Variants in EFCAB6 observed in about 807,000 individuals in gnomAD.
EFCAB6 encodes the protein EF-hand calcium binding domain 6, also known as EF-hand calcium-binding domain-containing protein 6.
Under a neutral mutation model 169.8 loss-of-function variants are expected in EFCAB6, and 156 were observed. That is an observed-to-expected ratio of 0.92 (90% confidence interval 0.81 to 1.05). EFCAB6 has a LOEUF of 1.05. EFCAB6 is among the 50% of genes least tolerant of loss of function. EFCAB6 has a pLI of 0.00. For synonymous variants in EFCAB6, 698 were observed against 676.4 expected (o/e 1.03, Z -0.50); for missense variants, 1,800 against 1,829.1 (o/e 0.98, Z 0.29).
intron 20 of EFCAB6, among the ~76,000 whole-genome samples, chr22:43,623,922 AGAAAAAAAAG>A (rs1464176258): frequency 7.2e-6 from 1 of 137,962 alleles, no homozygotes; most frequent in Non-Finnish European, 1.6e-5. Flanking sequence ...AAAAAAAAAA[AGAAAAAAAAG>A]AAAAAAGAAA....
chr22:43,771,377 C>A (rs1401742044), intron 4 of EFCAB6, among the ~76,000 whole-genome samples: 1 of 151,968 alleles, frequency 6.6e-6, no homozygotes, highest in Non-Finnish European at 1.5e-5. Flanking sequence ...TTGCAGTAAG[C>A]CAAGATAGCG....
At chr22:43,624,025 A>G (rs1255607796) in intron 20 of EFCAB6, among the ~76,000 whole-genome samples, 1 of 152,062 alleles carries the variant, frequency 6.6e-6, no homozygotes, top group African/African-American at 2.4e-5. Flanking sequence ...GGCCCCTCCC[A>G]ACAGACTCCT....
At chr22:43,689,736 G>A (rs1439275132) in intron 10 of EFCAB6, among the ~76,000 whole-genome samples, 1 of 152,180 alleles carries the variant, frequency 6.6e-6, no homozygotes, top group Non-Finnish European at 1.5e-5. Flanking sequence ...GAAGAGAAGT[G>A]CAAAGTGGGA....
chr22:43,724,645 C>G (rs2059658954), intron 8 of EFCAB6, among the ~76,000 whole-genome samples: 2 of 152,176 alleles, frequency 1.3e-5, no homozygotes, highest in South Asian at 4.1e-4. Context: ...GCTAGGATTA[C>G]AGGCATGAGC....
At chr22:43,581,037 G>T (rs1602403344) in intron 24 of EFCAB6, among the ~76,000 whole-genome samples, 1 of 152,328 alleles carries the variant, frequency 6.6e-6, no homozygotes, top group African/African-American at 2.4e-5. Flanking sequence ...TGTTGGCAGG[G>T]ATGTGACATT....
intron 3 of EFCAB6, among the ~76,000 whole-genome samples, chr22:43,778,816 G>A (rs1218159074): frequency 6.6e-6 from 1 of 152,234 alleles, no homozygotes; most frequent in Non-Finnish European, 1.5e-5. Flanking sequence ...GAGAGAAGAA[G>A]AGGCTTTCCT....
At chr22:43,554,681 G>T in intron 27 of EFCAB6, 188 bp downstream of exon 27, 2 of 607,842 alleles carry the variant, frequency 3.3e-6, no homozygotes, top group Non-Finnish European at 5.8e-6. Context: ...GATGAAAATG[G>T]TGTAATTTAT....
chr22:43,609,155 C>T (rs2053130469), intron 21 of EFCAB6, among the ~76,000 whole-genome samples: 1 of 152,172 alleles, frequency 6.6e-6, no homozygotes, highest in Admixed American at 6.5e-5. Context: ...CTCATTTAAT[C>T]TTCTTCATAA....
intron 1 of EFCAB6, among the ~76,000 whole-genome samples, chr22:43,810,903 C>A (rs2063090566): frequency 6.6e-6 from 1 of 152,156 alleles, no homozygotes; most frequent in Non-Finnish European, 1.5e-5. Flanking sequence ...ACTTTCATAT[C>A]CCCAGAACTT....
intron 20 of EFCAB6, among the ~76,000 whole-genome samples, chr22:43,616,821 T>C (rs1035317419): frequency 6.6e-6 from 1 of 152,136 alleles, no homozygotes; most frequent in Admixed American, 6.5e-5. Flanking sequence ...TTCCACGCAC[T>C]AGAACAAATT....
intron 3 of EFCAB6, among the ~76,000 whole-genome samples, chr22:43,781,637 G>A (rs68116932): frequency 0.042 from 6,374 of 152,214 alleles, 148 homozygotes; most frequent in Non-Finnish European, 0.051. Flanking sequence ...GTCAATACAC[G>A]GCATTTTATA....
chr22:43,794,014 G>A (rs2148129741), intron 2 of EFCAB6, among the ~76,000 whole-genome samples: 1 of 152,238 alleles, frequency 6.6e-6, no homozygotes, highest in South Asian at 2.1e-4. Context: ...AGCACTTTGA[G>A]ACCTTTTTTC....
intron 23 of EFCAB6, among the ~76,000 whole-genome samples, chr22:43,599,328 G>A (rs1221897454): frequency 1.3e-5 from 2 of 151,806 alleles, no homozygotes; most frequent in Admixed American, 6.6e-5. Context: ...TGGCCAACAT[G>A]GTGAAACCTC....
chr22:43,775,802 G>C (rs1047438155), intron 3 of EFCAB6, among the ~76,000 whole-genome samples: 5 of 152,176 alleles, frequency 3.3e-5, no homozygotes, highest in Non-Finnish European at 7.3e-5. Flanking sequence ...AGGAGGCCAA[G>C]GAGCCACCCT....
chr22:43,784,585 A>G (rs1194570259), intron 2 of EFCAB6, among the ~76,000 whole-genome samples: 2 of 67,530 alleles, frequency 3.0e-5, no homozygotes, highest in African/African-American at 5.0e-5. Flanking sequence ...ATATACACAT[A>G]TATATGTATA....
chr22:43,607,512 T>C (rs189175038), intron 22 of EFCAB6, among the ~76,000 whole-genome samples: 290 of 152,330 alleles, frequency 1.9e-3, no homozygotes, highest in African/African-American at 6.6e-3. Context: ...CTGGAACTAC[T>C]AGTGTAAGCT....
At chr22:43,651,857 G>A (rs1259821175) in intron 17 of EFCAB6, among the ~76,000 whole-genome samples, 2 of 152,202 alleles carry the variant, frequency 1.3e-5, no homozygotes, top group African/African-American at 2.4e-5. Flanking sequence ...GGGGCCTGTA[G>A]CCCATTTGTT....
At chr22:43,731,579 G>C (rs1210225892) in intron 8 of EFCAB6, 120 bp downstream of exon 8, 4 of 565,714 alleles carry the variant, frequency 7.1e-6, no homozygotes, top group Admixed American at 4.1e-5. Flanking sequence ...ACCATGGCTA[G>C]CTTTGTAGAT....
intron 26 of EFCAB6, among the ~76,000 whole-genome samples, chr22:43,555,662 T>G (rs2048662564): frequency 6.6e-6 from 1 of 152,202 alleles, no homozygotes; most frequent in South Asian, 2.1e-4. Flanking sequence ...TTAAGTGCAG[T>G]GGCATCTGCT....
Sources: gnomAD v4.1 joint callset for allele counts (sites outside exome capture counted in the v4.1 genomes callset) on GRCh38, gnomAD v4.1.1 for gene constraint, MANE v1.5 for transcripts, NCBI Gene and HGNC (gene_info 2026-07-23, HGNC 2026-07-21) for gene names.